Variants in DCBLD1 observed in about 807,000 individuals in gnomAD.
DCBLD1 encodes the protein discoidin, CUB and LCCL domain containing 1, also known as discoidin, CUB and LCCL domain-containing protein 1.
DCBLD1 carries 57 observed loss-of-function variants against 71.5 expected under a neutral mutation model. That is an observed-to-expected ratio of 0.80 (90% confidence interval 0.64 to 0.99). The LOEUF is 0.99. DCBLD1 is among the 50% of genes least tolerant of loss of function. The pLI, the probability that DCBLD1 is intolerant of heterozygous loss-of-function variation, is 0.00. For synonymous variants in DCBLD1, 380 were observed against 363.8 expected (o/e 1.04, Z -0.51); for missense variants, 891 against 923.5 (o/e 0.96, Z 0.46).
At chr6:117,562,669 T>C in intron 14 of DCBLD1, 1 of 205,924 alleles carries the variant, frequency 4.9e-6, no homozygotes. Flanking sequence ...CTGCATTGAA[T>C]AAAGCTGAAA....
rs185812979 is a variant in DCBLD1, at chr6:117,491,538, A to G, written c.112+8645A>G. 1.9e-3 allele frequency among the ~76,000 whole-genome samples: 291 copies of G among 152,280 alleles called. 2 individuals carry two copies. Among genetic ancestry groups the G allele is most frequent in the African/African-American group, 5.2e-3 (215 of 41,552 alleles). ...TTGACTTTTTTCCTATTTCATTTGAATCTCTAAATATTTTCTTGCATAGCC... is the reference window on the plus strand; with the variant it reads ...TTGACTTTTTTCCTATTTCATTTGAGTCTCTAAATATTTTCTTGCATAGCC... On this transcript the variant is annotated intron_variant, in intron 1 of 14. Transcript: ENST00000338728.
intron 14 of DCBLD1, among the ~76,000 whole-genome samples, chr6:117,565,793 G>A (rs1221473939): frequency 6.6e-6 from 1 of 152,068 alleles, no homozygotes; most frequent in Non-Finnish European, 1.5e-5. Context: ...TAAGAAAATG[G>A]CTTCCAAATA....
At chr6:117,505,214 T>C (rs554047140) in intron 2 of DCBLD1, among the ~76,000 whole-genome samples, 3 of 152,334 alleles carry the variant, frequency 2.0e-5, no homozygotes, top group African/African-American at 7.2e-5. Context: ...GTAGTTTGAC[T>C]CAAATGGGCA....
chr6:117,511,094 A>G (rs1778005126), intron 2 of DCBLD1, among the ~76,000 whole-genome samples: 1 of 151,796 alleles, frequency 6.6e-6, no homozygotes, highest in Non-Finnish European at 1.5e-5. Context: ...CAGAGGCCCT[A>G]CTCTTTAGCT....
intron 2 of DCBLD1, among the ~76,000 whole-genome samples, chr6:117,512,968 C>A (rs949839819): frequency 6.6e-6 from 1 of 152,042 alleles, no homozygotes; most frequent in Non-Finnish European, 1.5e-5. Context: ...CATGTCCCTT[C>A]TATATATAAA....
In DCBLD1 at chr6:117,538,564, T is replaced by C. The variant is rs1313440554; in HGVS notation, c.761-56T>C. 2.6e-6 allele frequency: 4 copies of C among 1,542,198 alleles called. No homozygotes were observed. The South Asian group carries it at 3.5e-5, about 13-fold the overall frequency. ...TAGGTGAGATGTGGTACTACTTTTT[T>C]TTTTGCTGTTATTTTATGTCTGTAT... On this transcript the variant is annotated intron_variant, in intron 7 of 14. Coordinates refer to ENST00000338728, the MANE Select transcript of DCBLD1 (RefSeq NM_001366458.2).
At position 117,540,724 on chromosome 6, in the gene DCBLD1, C is replaced by T. The variant is rs753775682; in HGVS notation, c.1158C>T (p.Pro386=). 2 of 1,614,090 alleles carry T rather than the reference C, an allele frequency of 1.2e-6. No individual in the cohort carries two copies. The highest frequency in any genetic ancestry group is 1.7e-5 in the Admixed American group (1 of 60,000). Residue 386 remains proline (P), a synonymous_variant, in exon 10 of 15, where the codon CCC becomes CCT. Transcript: ENST00000338728. The stretch of plus-strand genomic sequence containing the variant: ...CAGTGCAAAACAATTTCATCCCTCC[C>T]ATCGTGGCCAGATATGTGCGGGTTG... ...RDPVQNNFIP[P]IVARYVRVVP...
At chr6:117,521,719 T>C in intron 4 of DCBLD1, 143 bp downstream of exon 4, 1 of 732,514 alleles carries the variant, frequency 1.4e-6, no homozygotes, top group Non-Finnish European at 2.2e-6. Flanking sequence ...AAATAGTTTG[T>C]TATATAGCAG....
intron 1 of DCBLD1, among the ~76,000 whole-genome samples, chr6:117,496,369 T>C (rs1291249235): frequency 6.6e-6 from 1 of 152,224 alleles, no homozygotes; most frequent in Admixed American, 6.5e-5. Flanking sequence ...GCCCTTTTGC[T>C]CCTGTTTTTC....
intron 5 of DCBLD1, among the ~76,000 whole-genome samples, chr6:117,527,620 G>T (rs558596908): frequency 6.6e-6 from 1 of 152,306 alleles, no homozygotes; most frequent in African/African-American, 2.4e-5. Flanking sequence ...AATTTCAGCT[G>T]CATATAAGGA....
intron 4 of DCBLD1, among the ~76,000 whole-genome samples, chr6:117,522,515 C>G (rs1386805032): frequency 6.6e-6 from 1 of 151,864 alleles, no homozygotes; most frequent in Non-Finnish European, 1.5e-5. Flanking sequence ...AATTATAGCT[C>G]ACTACAGCCT....
rs1019533301 is a variant in DCBLD1 at position 117,540,560 on chromosome 6, C to G, written c.1102-108C>G. ...TCAAGAGTGTCTAGAAAAATGCAACCGACATAGAATCCTTGCCTTGGTTTC... is the reference window on the plus strand; with the variant it reads ...TCAAGAGTGTCTAGAAAAATGCAACGGACATAGAATCCTTGCCTTGGTTTC... On this transcript the variant is annotated intron_variant, in intron 9 of 14. Coordinates refer to ENST00000338728, the MANE Select transcript of DCBLD1 (RefSeq NM_001366458.2). 19 of 1,389,940 alleles carry G rather than the reference C, an allele frequency of 1.4e-5. No homozygotes were observed. In the South Asian group the frequency reaches 2.6e-4, roughly 19 times the overall value. 86.1% of individuals were successfully genotyped at this position (1,389,940 alleles called of 1,614,324 possible).
At chr6:117,529,914 T>G (rs1223039513) in intron 5 of DCBLD1, among the ~76,000 whole-genome samples, 1 of 152,252 alleles carries the variant, frequency 6.6e-6, no homozygotes, top group African/African-American at 2.4e-5. Context: ...TACTGGGTAC[T>G]GTGAGAAACG....
At chr6:117,490,349 ATATT>A (rs1359337101) in intron 1 of DCBLD1, among the ~76,000 whole-genome samples, 2 of 152,128 alleles carry the variant, frequency 1.3e-5, no homozygotes, top group Non-Finnish European at 2.9e-5. Flanking sequence ...TTCCATATTT[ATATT>A]TATTTTAGAA....
chr6:117,508,195 C>T (rs1458174105), intron 2 of DCBLD1: 2 of 152,144 alleles, frequency 1.3e-5, no homozygotes, highest in East Asian at 3.9e-4. Flanking sequence ...CCAGGCTGTT[C>T]TAGGATTGAA....
At chr6:117,561,384 T>C (rs553364576) in intron 14 of DCBLD1, 14 of 224,844 alleles carry the variant, frequency 6.2e-5, no homozygotes, top group Admixed American at 3.4e-4. Flanking sequence ...AAAAATGCCA[T>C]GGCCATTCCA....
chr6:117,532,200 T>TC, intron 5 of DCBLD1, 60 bp from the exon 6 acceptor site: 1 of 1,524,540 alleles, frequency 6.6e-7, no homozygotes, highest in South Asian at 1.3e-5. Flanking sequence ...AATAGAAAAC[T>TC]CCAACTATAT....
At chr6:117,566,990 C>T in intron 14 of DCBLD1, 1 of 1,609,618 alleles carries the variant, frequency 6.2e-7, no homozygotes, top group South Asian at 1.1e-5. Context: ...CATCAGAATC[C>T]ACTTCAGGAG....
At chr6:117,494,447 G>A (rs900305452) in intron 1 of DCBLD1, among the ~76,000 whole-genome samples, 2 of 152,206 alleles carry the variant, frequency 1.3e-5, no homozygotes, top group African/African-American at 4.8e-5. Flanking sequence ...TTCAGCTGAA[G>A]CAGTGGCAGC....
Sources: allele counts gnomAD v4.1 joint callset (sites outside exome capture counted in the v4.1 genomes callset), GRCh38; gene constraint gnomAD v4.1.1; transcripts MANE v1.5; gene names NCBI Gene and HGNC (gene_info 2026-07-23, HGNC 2026-07-21).